Variants in SNF8 observed in about 807,000 individuals in gnomAD.
SNF8 encodes SNF8 subunit of ESCRT-II.
SNF8 carries 19 observed loss-of-function variants against 36.8 expected under a neutral mutation model. That is an observed-to-expected ratio of 0.52 (90% CI 0.36 to 0.76). SNF8 has a LOEUF of 0.76. Ranked by LOEUF, SNF8 falls within the 30% of genes least tolerant of loss-of-function variation. The pLI is 0.00. For synonymous variants in SNF8, 127 were observed against 127.4 expected (o/e 1.00, Z 0.02); for missense variants, 268 against 322.9 (o/e 0.83, Z 1.30).
chr17:48,944,405 T>C (rs2041074630), intron 1 of SNF8, among the ~76,000 whole-genome samples: 1 of 152,216 alleles, frequency 6.6e-6, no homozygotes, highest in Admixed American at 6.5e-5. Context: ...TAAATTGTTT[T>C]CTTAGGGAGA....
At chr17:48,933,411 TCTGCC>T in intron 5 of SNF8, 65 bp from the exon 6 acceptor site, 3 of 1,585,918 alleles carry the variant, frequency 1.9e-6, no homozygotes, top group Non-Finnish European at 2.6e-6. Flanking sequence ...CAGTTTCAGC[TCTGCC>T]CTGGGCAGGA....
chr17:48,943,038 G>A (rs978131898), intron 2 of SNF8, among the ~76,000 whole-genome samples: 1 of 150,826 alleles, frequency 6.6e-6, no homozygotes, highest in Non-Finnish European at 1.5e-5. Flanking sequence ...GCTAATTTTT[G>A]TATTTTTAGT....
At chr17:48,936,834 C>T (rs781365121) in intron 4 of SNF8, 186 bp downstream of exon 4, 10 of 621,434 alleles carry the variant, frequency 1.6e-5, no homozygotes, top group South Asian at 1.4e-4. Context: ...CAGAGACAAT[C>T]GTTCAGGTAA....
chr17:48,938,562 CAT>C, intron 3 of SNF8, among the ~76,000 whole-genome samples: 1 of 150,860 alleles, frequency 6.6e-6, no homozygotes, highest in East Asian at 2.0e-4. Flanking sequence ...ATTATAATCC[CAT>C]ATATGTTTAC....
At chr17:48,934,212 T>G (rs987823762) in intron 5 of SNF8, among the ~76,000 whole-genome samples, 2 of 152,106 alleles carry the variant, frequency 1.3e-5, no homozygotes, top group Admixed American at 6.5e-5. Flanking sequence ...TGGAATGCAT[T>G]CTCCAACCCC....
At chr17:48,942,847 C>CAT (rs2041049626) in intron 2 of SNF8, among the ~76,000 whole-genome samples, 1 of 86,184 alleles carries the variant, frequency 1.2e-5, no homozygotes, top group African/African-American at 6.9e-5. Context: ...CGCACCCGGC[C>CAT]TTTTTTTTTT....
At position 48,933,475 on chromosome 17, in the gene SNF8, C is replaced by T. The variant is rs891991249; in HGVS notation, c.423-129G>A. On this transcript the variant is annotated intron_variant, in intron 5 of 7. Coordinates refer to ENST00000502492, the MANE Select transcript of SNF8 (RefSeq NM_007241.4). ...TGCACAACTGCCAGGCGCAATGGCT[C>T]ATACCCATAATCGCAACACTTTTGG... 32 of 1,056,534 alleles carry T rather than the reference C, an allele frequency of 3.0e-5. No individual in the cohort carries two copies. In the African/African-American group the frequency reaches 4.8e-4, roughly 16 times the overall value. 65.4% of individuals were successfully genotyped at this position (1,056,534 alleles called of 1,614,324 possible).
At chr17:48,935,498 GT>G (rs1388909781) in intron 5 of SNF8, among the ~76,000 whole-genome samples, 1 of 138,750 alleles carries the variant, frequency 7.2e-6, no homozygotes, top group Admixed American at 7.2e-5. Flanking sequence ...GGGCGACAGA[GT>G]GAGACTCTGT....
chr17:48,933,167 T>TC (rs2040884068), intron 6 of SNF8, 38 bp downstream of exon 6: 2 of 1,606,396 alleles, frequency 1.2e-6, no homozygotes, highest in African/African-American at 2.7e-5. Context: ...TCACAGACTG[T>TC]CCCTTGCACA....
intron 5 of SNF8, 94 bp downstream of exon 5, chr17:48,936,076 G>T: frequency 1.2e-6 from 1 of 843,234 alleles, no homozygotes; most frequent in Non-Finnish European, 1.9e-6. Context: ...AGATTTCTAA[G>T]CTAGCCTAGA....
intron 3 of SNF8, chr17:48,937,431 C>A: frequency 2.4e-6 from 1 of 421,282 alleles, no homozygotes; most frequent in South Asian, 2.0e-5. Context: ...AGTTCAAGAC[C>A]AGCCTGGCCA....
rs2040862422 is a variant in SNF8 at position 48,931,716 on chromosome 17, T to G, written c.566A>C (p.Lys189Thr). 6.2e-7 allele frequency: 1 copy of G among 1,612,358 alleles called. No homozygotes were observed. Among genetic ancestry groups the G allele is most frequent in the Non-Finnish European group, 8.5e-7 (1 of 1,179,046 alleles). ...DHTVVLQLAE[K>T]NGYVTVSEIK... The stretch of plus-strand genomic sequence containing the variant: ...CTCACTGACAGTCACGTAGCCATTC[T>G]TCTGAAGGAAGGAGGAATGGGGATT... The change falls in exon 7 of 8, where the codon AAG becomes ACG. Residue 189 changes from lysine (K) to threonine (T), a missense_variant and splice_region_variant. Coordinates refer to ENST00000502492, the MANE Select transcript of SNF8 (RefSeq NM_007241.4).
At chr17:48,935,111 C>T (rs951544033) in intron 5 of SNF8, among the ~76,000 whole-genome samples, 2 of 152,168 alleles carry the variant, frequency 1.3e-5, no homozygotes, top group African/African-American at 2.4e-5. Flanking sequence ...TGTCTCACAC[C>T]TGTAATCCCA....
chr17:48,933,212 A>G lies in SNF8; in HGVS notation c.557T>C (p.Leu186Pro). The G allele has an allele frequency of 6.2e-7, 1 of 1,613,500 alleles. No homozygotes were observed. The highest frequency in any genetic ancestry group is 8.5e-7 in the Non-Finnish European group (1 of 1,180,004). The change falls in exon 6 of 8, where the codon CTG becomes CCG. Residue 186 changes from leucine to proline, a missense_variant. Leu to Pro is a moderately conservative substitution (Grantham distance 98). Coordinates refer to ENST00000502492, the MANE Select transcript of SNF8 (RefSeq NM_007241.4). The part of the protein sequence containing the change: ...LNMDHTVVLQ[L>P]AEKNGYVTVS... ...TCGAAGGTGCACCAGTACCTCTGCC[A>G]GCTGCAGCACCACGGTGTGATCCAT...
At chr17:48,935,329 C>T (rs1424092417) in intron 5 of SNF8, among the ~76,000 whole-genome samples, 2 of 151,840 alleles carry the variant, frequency 1.3e-5, no homozygotes, top group Admixed American at 1.3e-4. Context: ...CTGGCTAACA[C>T]AGTGAAACCC....
rs1236802641 is a variant in SNF8, at chr17:48,944,794, C to T, written c.-60G>A. ...GGACCCCGGGTCTCCACGTCCCGGA[C>T]TCCGCCGCCGGCTCCCCAAGGCGGA... On this transcript the variant is annotated 5_prime_UTR_variant, in exon 1 of 8. Transcript: ENST00000502492. 1.0e-5 allele frequency: 15 copies of T among 1,503,092 alleles called. No homozygotes were observed. The highest frequency in any genetic ancestry group is 2.9e-5 in the African/African-American group (2 of 69,080). The allele number at this position is 1,503,092 out of a possible 1,614,324, so 93.1% of individuals were successfully genotyped here. A position where few individuals can be genotyped will look rare whatever the true frequency, so the allele number is the denominator to read the frequency against.
In SNF8 at chr17:48,930,886, A is replaced by G. The variant is rs554780045; in HGVS notation, c.640-274T>C. 6.4e-4 allele frequency among the ~76,000 whole-genome samples: 97 copies of G among 152,350 alleles called. 1 individual carries two copies. The highest frequency in any genetic ancestry group is 2.3e-3 in the African/African-American group (95 of 41,596). The stretch of plus-strand genomic sequence containing the variant: ...AATATAGTGGAAAGAACATAGCTAC[A>G]GAAATATTTGCTGTGTGGCCTTCAG... On this transcript the variant is annotated intron_variant, in intron 7 of 7. Transcript: ENST00000502492.
chr17:48,934,585 C>A, intron 5 of SNF8: 1 of 157,646 alleles, frequency 6.3e-6, no homozygotes, highest in Non-Finnish European at 1.4e-5. Context: ...GCCTAGACAA[C>A]AGAGCAAGAG....
chr17:48,931,630 CA>C lies in SNF8; in HGVS notation c.639+12del. ...CCTGCCTGTCTTTTCTGGACTGTTCCAAAGTTGCATACCAGCACTTGCCGCG... is the reference window on the plus strand; with the variant it reads ...CCTGCCTGTCTTTTCTGGACTGTTCCAAGTTGCATACCAGCACTTGCCGCG... On this transcript the variant is annotated intron_variant, in intron 7 of 7. Coordinates refer to ENST00000502492, the MANE Select transcript of SNF8 (RefSeq NM_007241.4). The C allele has an allele frequency of 6.2e-7, 1 of 1,611,434 alleles. No individual in the cohort carries two copies. The highest frequency in any genetic ancestry group is 1.1e-5 in the South Asian group (1 of 90,556).
Sources: gnomAD v4.1 joint callset for allele counts (sites outside exome capture counted in the v4.1 genomes callset) on GRCh38, gnomAD v4.1.1 for gene constraint, MANE v1.5 for transcripts, NCBI Gene and HGNC (gene_info 2026-07-23, HGNC 2026-07-21) for gene names.